PPP1R26: variants seen among roughly 807,000 people sequenced by gnomAD.
The protein encoded by PPP1R26 is protein phosphatase 1 regulatory subunit 26, also known as 1A6/DRIM (down-regulated in metastasis) interacting protein.
A neutral mutation model predicts 67.6 loss-of-function variants in PPP1R26; 22 were observed. That is an observed-to-expected ratio of 0.33 (90% confidence interval 0.23 to 0.46). PPP1R26 has a LOEUF of 0.46. PPP1R26 is among the 20% of genes least tolerant of loss of function. The probability of loss-of-function intolerance (pLI) is 1.00; values close to 1 mark genes in which losing one functional copy is unlikely to be tolerated. For missense variants in PPP1R26, 1,602 were observed against 1,651.4 expected (o/e 0.97, Z 0.52); for synonymous variants, 729 against 717.2 (o/e 1.02, Z -0.26).
chr9:135,479,678 A>C (rs1359151635), upstream of PPP1R26: 1 of 144,308 alleles, frequency 6.9e-6, no homozygotes, highest in African/African-American at 2.5e-5. The surrounding 1 kb of genome is among the most constrained non-coding windows in gnomAD (Gnocchi z 5.9). Context: ...CATGATGCCC[A>C]GCCACGGGCA....
Position 135,484,013 on chromosome 9 carries a change from T to C in PPP1R26, c.-132T>C. The C allele has an allele frequency of 2.5e-6, 1 of 401,676 alleles. No individual in the cohort carries two copies. Among genetic ancestry groups the C allele is most frequent in the Admixed American group, 4.3e-5 (1 of 23,510 alleles). The allele number at this position is 401,676 out of a possible 1,614,324, so 24.9% of individuals were successfully genotyped here. The stretch of plus-strand genomic sequence containing the variant: ...CGGCGTGCTGATCCTGGGTTTCTAG[T>C]CATCCTTTTTAAGCTGCAAAGAAGC... On this transcript the variant is annotated 5_prime_UTR_variant, in exon 3 of 4. Coordinates refer to ENST00000356818, the MANE Select transcript of PPP1R26 (RefSeq NM_014811.5).
At chr9:135,482,991 T>C (rs1421531479) in intron 2 of PPP1R26, among the ~76,000 whole-genome samples, 176 bp downstream of exon 2, 7 of 141,400 alleles carry the variant, frequency 5.0e-5, no homozygotes, top group Non-Finnish European at 7.7e-5. Flanking sequence ...TTCTTTCTTT[T>C]TTTTTTTTTT....
At chr9:135,479,757 T>TCGCCCCGCCCCC (rs944581113), upstream of PPP1R26, 10 of 133,000 alleles carry the variant, frequency 7.5e-5, no homozygotes, top group East Asian at 2.4e-4. The surrounding 1 kb of genome is among the most constrained non-coding windows in gnomAD (Gnocchi z 5.9). Context: ...CTTGGGGGGG[T>TCGCCCCGCCCCC]CGCCCCGCCC....
At position 135,484,653 on chromosome 9, in the gene PPP1R26, A is replaced by C; in HGVS notation, c.143A>C (p.Gln48Pro). 2 of 1,611,200 alleles carry C rather than the reference A, an allele frequency of 1.2e-6. No individual in the cohort carries two copies. The highest frequency in any genetic ancestry group is 1.7e-6 in the Non-Finnish European group (2 of 1,179,942). Residue 48 changes from glutamine (Q) to proline (P), a missense_variant, in exon 4 of 4, where the codon CAG (glutamine) becomes CCG (proline). Physicochemically the swap from Gln to Pro is moderately conservative, Grantham distance 76. Transcript: ENST00000356818. Reference sequence around the variant, plus strand: ...AGCGCGTCGGTGAGCGCCCGGGTGCAGATGCTTATCAGCACTCTGCAGCGC... The same window carrying C: ...AGCGCGTCGGTGAGCGCCCGGGTGCCGATGCTTATCAGCACTCTGCAGCGC... ...VESASVSARVQMLISTLQRDG... is the reference protein window; with the variant it reads ...VESASVSARVPMLISTLQRDG...
At chr9:135,481,236 G>GT (rs35101439) in intron 1 of PPP1R26, among the ~76,000 whole-genome samples, 40,266 of 120,820 alleles carry the variant, frequency 0.33, 7,274 homozygotes, top group Non-Finnish European at 0.4. Context: ...GGCTTTTCTT[G>GT]TTTTTTTTTT....
Position 135,483,939 on chromosome 9 carries a change from T to A in PPP1R26, c.-195-11T>A, listed in dbSNP as rs1830610348. 7 of 398,974 alleles carry A rather than the reference T, an allele frequency of 1.8e-5. No homozygotes were observed. Among genetic ancestry groups the A allele is most frequent in the Admixed American group, 1.8e-4 (4 of 22,802 alleles). 24.7% of individuals were successfully genotyped at this position (398,974 alleles called of 1,614,324 possible). ...TCTGAGTGGCTCACATCATACAACT[T>A]TCCGTTCCAGGAGCTTGTCGGTTGG... On this transcript the variant is annotated splice_polypyrimidine_tract_variant and intron_variant, in intron 2 of 3. Coordinates refer to ENST00000356818, the MANE Select transcript of PPP1R26 (RefSeq NM_014811.5).
chr9:135,483,446 G>A (rs1256126719), intron 2 of PPP1R26: 3 of 152,530 alleles, frequency 2.0e-5, no homozygotes, highest in African/African-American at 7.2e-5. Flanking sequence ...CACTGCTGAG[G>A]TCCTGAGGGC....
intron 1 of PPP1R26, 108 bp from the exon 2 acceptor site, chr9:135,482,575 T>A (rs1830556285): frequency 2.5e-6 from 1 of 396,364 alleles, no homozygotes; most frequent in African/African-American, 2.1e-5. Flanking sequence ...CTTCAAAAGT[T>A]AATTTTGAGC....
Position 135,486,776 on chromosome 9 carries a change from A to G in PPP1R26, c.2266A>G (p.Lys756Glu), listed in dbSNP as rs1389955357. Residue 756 changes from lysine to glutamate, a missense_variant, in exon 4 of 4, where the codon AAG becomes GAG. Physicochemically the swap from Lys to Glu is moderately conservative, Grantham distance 56. Around this residue, in one of 5 missense-constraint regions of PPP1R26, gnomAD observed 740 missense variants for 696.3 expected, o/e 1.06. Transcript: ENST00000356818. This position sits in a 1 kb window ranked among gnomAD's most constrained non-coding sequence, Gnocchi z 6.2. ...GPPVLKSCLSKSKRDSGEGPG... is the reference protein window; with the variant it reads ...GPPVLKSCLSESKRDSGEGPG... The stretch of plus-strand genomic sequence containing the variant: ...GCCAGTGCTGAAGAGCTGCCTCTCC[A>G]AGTCCAAGAGAGACAGTGGCGAGGG... The G allele has an allele frequency of 6.3e-7, 1 of 1,587,770 alleles. No homozygotes were observed.
chr9:135,487,664 A>G lies in PPP1R26; in HGVS notation c.3154A>G (p.Arg1052Gly). Residue 1052 changes from arginine (R) to glycine (G), a missense_variant, in exon 4 of 4, where the codon AGG becomes GGG. Transcript: ENST00000356818. ...CTCCGAAGGCAGAGATGCAGTGTGG[A>G]GGGGGGGCGTCGGGAGCGAGAGAGA... ...LRSEGRDAVWRGGVGSERDKG... is the reference protein window; with the variant it reads ...LRSEGRDAVWGGGVGSERDKG... 2.7e-6 allele frequency: 4 copies of G among 1,463,882 alleles called. No individual in the cohort carries two copies. Among genetic ancestry groups the G allele is most frequent in the South Asian group, 1.4e-5 (1 of 70,294 alleles). 90.7% of individuals were successfully genotyped at this position (1,463,882 alleles called of 1,614,324 possible). A position where few individuals can be genotyped will look rare whatever the true frequency, so the allele number is the denominator to read the frequency against.
intron 1 of PPP1R26, chr9:135,480,440 G>T (rs1438672755): frequency 1.3e-5 from 2 of 152,282 alleles, no homozygotes; most frequent in Non-Finnish European, 2.9e-5. Flanking sequence ...CTAGTCCTCG[G>T]ATCCCAGAAA....
chr9:135,484,188 T>G, intron 3 of PPP1R26, 106 bp downstream of exon 3: 1 of 465,484 alleles, frequency 2.1e-6, no homozygotes, highest in Non-Finnish European at 3.7e-6. Context: ...CCGTGGAGGG[T>G]GGTTGGAAAC....
Position 135,488,160 on chromosome 9 carries a change from G to T in PPP1R26, c.*20G>T, listed in dbSNP as rs143148284. Reference sequence around the variant, plus strand: ...GTCTAAGCCCTCGAGCTGTGGGTTCGCGTCCTGGGTTGCGTGCATTCGTGG... The same window carrying T: ...GTCTAAGCCCTCGAGCTGTGGGTTCTCGTCCTGGGTTGCGTGCATTCGTGG... On this transcript the variant is annotated 3_prime_UTR_variant, in exon 4 of 4. Transcript: ENST00000356818. 2 of 1,496,914 alleles carry T rather than the reference G, an allele frequency of 1.3e-6. No homozygotes were observed. Among genetic ancestry groups the T allele is most frequent in the Non-Finnish European group, 1.8e-6 (2 of 1,125,174 alleles). The allele number at this position is 1,496,914 out of a possible 1,614,324, so 92.7% of individuals were successfully genotyped here. A position where few individuals can be genotyped will look rare whatever the true frequency, so the allele number is the denominator to read the frequency against.
rs1281726963 is a variant in PPP1R26 at position 135,487,681 on chromosome 9, C to A, written c.3171C>A (p.Ser1057Arg). 1 of 1,456,530 alleles carries A rather than the reference C, an allele frequency of 6.9e-7. No individual in the cohort carries two copies. The allele number at this position is 1,456,530 out of a possible 1,614,324, so 90.2% of individuals were successfully genotyped here. A position where few individuals can be genotyped will look rare whatever the true frequency, so the allele number is the denominator to read the frequency against. ...CAGTGTGGAGGGGGGGCGTCGGGAG[C>A]GAGAGAGACAAGGGGTCCGAGGGCC... ...RDAVWRGGVGSERDKGSEGPA... is the reference protein window; with the variant it reads ...RDAVWRGGVGRERDKGSEGPA... Residue 1057 changes from serine to arginine, a missense_variant, in exon 4 of 4, where the codon AGC (serine) becomes AGA (arginine). Around this residue, in one of 5 missense-constraint regions of PPP1R26, gnomAD observed 740 missense variants for 696.3 expected, o/e 1.06. Transcript: ENST00000356818.
intron 1 of PPP1R26, among the ~76,000 whole-genome samples, chr9:135,481,251 T>G (rs1242857274): frequency 1.3e-5 from 2 of 150,706 alleles, no homozygotes; most frequent in Non-Finnish European, 3.0e-5. Flanking sequence ...TTTTTTTTTT[T>G]TTTTTTTAGA....
chr9:135,482,987 C>CTTTTTTTTT (rs57608324), intron 2 of PPP1R26, among the ~76,000 whole-genome samples, 172 bp downstream of exon 2: 21 of 112,036 alleles, frequency 1.9e-4, no homozygotes, highest in African/African-American at 2.4e-4. Flanking sequence ...TTCTTTCTTT[C>CTTTTTTTTT]TTTTTTTTTT....
rs764059072 is a variant in PPP1R26 at position 135,485,473 on chromosome 9, G to A, written c.963G>A (p.Pro321=). 16 of 1,612,884 alleles carry A rather than the reference G, an allele frequency of 9.9e-6. No homozygotes were observed. In the Admixed American group the frequency reaches 1.0e-4, roughly 10 times the overall value. ...AGGAGAACGAGGGCAGCACGAAGCC[G>A]GCAACCCCCTGCCGCCCTTCAGAAG... ...TTQENEGSTK[P]ATPCRPSEAA... Residue 321 remains proline, a synonymous_variant, in exon 4 of 4, where the codon CCG becomes CCA. Transcript: ENST00000356818. The surrounding 1 kb of genome is among the most constrained non-coding windows in gnomAD (Gnocchi z 7.2).
Position 135,488,266 on chromosome 9 carries a change from A to G in PPP1R26, c.*126A>G. On this transcript the variant is annotated 3_prime_UTR_variant, in exon 4 of 4. Transcript: ENST00000356818. ...CAGTCTATTATACATAGCCCTGTAT[A>G]TATGTACACCAACATGAAACTTTTA... 7.9e-7 allele frequency: 1 copy of G among 1,266,682 alleles called. No individual in the cohort carries two copies. Among genetic ancestry groups the G allele is most frequent in the South Asian group, 3.6e-5 (1 of 28,070 alleles). 78.5% of individuals were successfully genotyped at this position (1,266,682 alleles called of 1,614,324 possible). A position where few individuals can be genotyped will look rare whatever the true frequency, so the allele number is the denominator to read the frequency against.
In PPP1R26 at chr9:135,486,002, C is replaced by A. The variant is rs377535926; in HGVS notation, c.1492C>A (p.Pro498Thr). Reference protein sequence around the residue: ...LDISKTILPAPVEGSDGSLSA... With the variant: ...LDISKTILPATVEGSDGSLSA... Reference sequence around the variant, plus strand: ...CATCTCCAAGACGATCCTGCCGGCCCCTGTAGAGGGCAGTGACGGGTCCCT... The same window carrying A: ...CATCTCCAAGACGATCCTGCCGGCCACTGTAGAGGGCAGTGACGGGTCCCT... The change falls in exon 4 of 4, where the codon CCT becomes ACT. Residue 498 changes from proline (P) to threonine (T), a missense_variant. Pro to Thr is a conservative substitution (Grantham distance 38). This residue lies in a region of PPP1R26 where 680 missense variants were observed against 726.1 expected (regional missense o/e 0.94). Coordinates refer to ENST00000356818, the MANE Select transcript of PPP1R26 (RefSeq NM_014811.5). This position sits in a 1 kb window ranked among gnomAD's most constrained non-coding sequence, Gnocchi z 6.2. The A allele has an allele frequency of 1.9e-6, 3 of 1,613,212 alleles. No individual in the cohort carries two copies. The highest frequency in any genetic ancestry group is 2.7e-5 in the African/African-American group (2 of 75,048).
Sources: allele counts gnomAD v4.1 joint callset (sites outside exome capture counted in the v4.1 genomes callset), GRCh38; gene constraint gnomAD v4.1.1; regional missense constraint gnomAD v4.1.1; non-coding constraint Gnocchi (gnomAD v3.1); transcripts MANE v1.5; gene names NCBI Gene and HGNC (gene_info 2026-07-23, HGNC 2026-07-21).